FBXL17: variants seen among roughly 807,000 people sequenced by gnomAD.
FBXL17 encodes F-box and leucine rich repeat protein 17.
In FBXL17, 22 loss-of-function variants were observed where a neutral mutation model predicts 66.2. That is an observed-to-expected ratio of 0.33 (90% CI 0.24 to 0.47). The LOEUF is 0.47. FBXL17 is among the 20% of genes least tolerant of loss of function. FBXL17 has a pLI of 1.00. For synonymous variants in FBXL17, 474 were observed against 400.5 expected, an observed-to-expected ratio of 1.18 and a Z score of -2.19; for missense variants, 878 against 948.2, an observed-to-expected ratio of 0.93 and a Z score of 0.97.
At chr5:108,295,269 ATAC>A (rs1237123930) in intron 4 of FBXL17, among the ~76,000 whole-genome samples, 1 of 151,860 alleles carries the variant, frequency 6.6e-6, no homozygotes, top group Non-Finnish European at 1.5e-5. Context: ...CCAAATTCAT[ATAC>A]TTTTCCAAAT....
At chr5:107,990,192 A>G (rs1753185542) in intron 7 of FBXL17, among the ~76,000 whole-genome samples, 1 of 152,172 alleles carries the variant, frequency 6.6e-6, no homozygotes. Context: ...TTTTTCTTTC[A>G]GCTGGGGCAT....
In FBXL17 at chr5:108,136,154, C is replaced by T. The variant is rs546418181; in HGVS notation, c.1745+49963G>A. Among the ~76,000 whole-genome samples, 609 of 152,082 alleles carry T rather than the reference C, an allele frequency of 4.0e-3. 2 individuals are homozygous for T. The highest frequency in any genetic ancestry group is 6.5e-3 in the Non-Finnish European group (440 of 67,950). ...TGTTTATATGTAAAAGAAAAATATG[C>T]AGATAGGTCAAATCTTTTAGATTTG... is the stretch of plus-strand genomic sequence containing the variant. On this transcript the variant is annotated intron_variant, in intron 6 of 8. Coordinates refer to ENST00000542267, the MANE Select transcript of FBXL17 (RefSeq NM_001163315.3).
Position 108,009,937 on chromosome 5 carries a change from G to A in FBXL17, c.1822+10988C>T, listed in dbSNP as rs150200827. ...TGGGAAGGCTGGCACCTTCTACCTC[G>A]AGAATAGTGTCCATTTTGTACCGAG... On this transcript the variant is annotated intron_variant, in intron 7 of 8. Transcript: ENST00000542267. Among the ~76,000 whole-genome samples the A allele has an allele frequency of 2.8e-4, 42 of 152,214 alleles. 1 individual carries two copies. In the East Asian group the frequency reaches 7.4e-3, roughly 27 times the overall value.
At chr5:108,045,267 C>T (rs1318226734) in intron 6 of FBXL17, among the ~76,000 whole-genome samples, 3 of 151,992 alleles carry the variant, frequency 2.0e-5, no homozygotes, top group African/African-American at 7.3e-5. Flanking sequence ...TGGTGAAGCC[C>T]TGTCGCTACA....
At chr5:108,181,171 T>C (rs1752987387) in intron 6 of FBXL17, among the ~76,000 whole-genome samples, 1 of 152,120 alleles carries the variant, frequency 6.6e-6, no homozygotes, top group Non-Finnish European at 1.5e-5. Flanking sequence ...GTCAAACATA[T>C]AAAAATGTTG....
intron 4 of FBXL17, among the ~76,000 whole-genome samples, chr5:108,303,765 T>A (rs531906684): frequency 1.3e-5 from 2 of 152,060 alleles, no homozygotes; most frequent in African/African-American, 4.8e-5. Flanking sequence ...TCCACTCTCA[T>A]TCTCTTAGTA....
intron 7 of FBXL17, among the ~76,000 whole-genome samples, chr5:107,891,756 G>C (rs1284162595): frequency 6.6e-6 from 1 of 152,104 alleles, no homozygotes; most frequent in Non-Finnish European, 1.5e-5. Context: ...GGATTAGTAG[G>C]AATACACTGA....
intron 5 of FBXL17, among the ~76,000 whole-genome samples, chr5:108,190,397 C>A (rs158605): frequency 0.16 from 24,188 of 152,152 alleles, 2,065 homozygotes; most frequent in South Asian, 0.32. Context: ...GAGTCTGAGA[C>A]AGAGACAGAC....
At chr5:108,257,010 T>C (rs1338218739) in intron 4 of FBXL17, among the ~76,000 whole-genome samples, 1 of 152,196 alleles carries the variant, frequency 6.6e-6, no homozygotes. Flanking sequence ...ATTTAAATTG[T>C]TTTTAACTGT....
intron 3 of FBXL17, among the ~76,000 whole-genome samples, chr5:108,355,723 C>A (rs571541386): frequency 5.9e-4 from 89 of 151,972 alleles, no homozygotes; most frequent in African/African-American, 1.5e-3. Context: ...AGAAAAAAAA[C>A]CAACTATGAT....
At chr5:108,112,759 G>A (rs1398133238) in intron 6 of FBXL17, among the ~76,000 whole-genome samples, 1 of 150,672 alleles carries the variant, frequency 6.6e-6, no homozygotes, top group African/African-American at 2.4e-5. Context: ...GTTGTAAAAA[G>A]ATCCAAATCA....
At chr5:108,264,214 CAAAAAAAAA>C (rs35346820) in intron 4 of FBXL17, among the ~76,000 whole-genome samples, 18 of 55,506 alleles carry the variant, frequency 3.2e-4, no homozygotes, top group Non-Finnish European at 4.9e-4. Flanking sequence ...GACTCTTTCT[CAAAAAAAAA>C]AAAAAAAAAA....
intron 6 of FBXL17, among the ~76,000 whole-genome samples, chr5:108,153,249 A>G (rs2149997939): frequency 6.6e-6 from 1 of 152,338 alleles, no homozygotes; most frequent in Non-Finnish European, 1.5e-5. Context: ...TTTATCTGGC[A>G]ATCCTGATAC....
chr5:108,118,286 G>A (rs1379048968), intron 6 of FBXL17, among the ~76,000 whole-genome samples: 1 of 152,138 alleles, frequency 6.6e-6, no homozygotes, highest in Non-Finnish European at 1.5e-5. Flanking sequence ...ATCCCTGCCT[G>A]GTGGACCTAC....
At position 108,354,498 on chromosome 5, in the gene FBXL17, T is replaced by C. The variant is rs542785812; in HGVS notation, c.1375-5968A>G. On this transcript the variant is annotated intron_variant, in intron 3 of 8. Coordinates refer to ENST00000542267, the MANE Select transcript of FBXL17 (RefSeq NM_001163315.3). The stretch of plus-strand genomic sequence containing the variant: ...GAATATCTAAGAACCACAGAACAAC[T>C]ACAAAAGGTATAACATAAGTGAAAA... Among the ~76,000 whole-genome samples the C allele has an allele frequency of 3.0e-4, 46 of 150,904 alleles. 1 individual carries two copies. The South Asian group carries it at 9.3e-3, about 31-fold the overall frequency.
intron 6 of FBXL17, among the ~76,000 whole-genome samples, chr5:108,108,147 C>T (rs1486118748): frequency 1.3e-5 from 2 of 152,190 alleles, no homozygotes; most frequent in Non-Finnish European, 2.9e-5. Flanking sequence ...TCAGTGATAG[C>T]TCCTCCATGA....
chr5:107,944,228 A>C (rs1387353077), intron 7 of FBXL17, among the ~76,000 whole-genome samples: 6 of 152,142 alleles, frequency 3.9e-5, no homozygotes, highest in African/African-American at 1.4e-4. Context: ...TTCTATTTAC[A>C]CATCTGGTTG....
intron 4 of FBXL17, among the ~76,000 whole-genome samples, chr5:108,295,055 ATTACT>A (rs1168644964): frequency 2.6e-5 from 4 of 152,050 alleles, no homozygotes; most frequent in African/African-American, 7.2e-5. Flanking sequence ...TTAGAGTGAC[ATTACT>A]TTAACACAAT....
At chr5:108,329,778 T>TA (rs1760032609) in intron 4 of FBXL17, among the ~76,000 whole-genome samples, 1 of 152,140 alleles carries the variant, frequency 6.6e-6, no homozygotes, top group South Asian at 2.1e-4. Flanking sequence ...AAGTATTACA[T>TA]AAGTGACATC....
Sources: gnomAD v4.1 joint callset for allele counts (sites outside exome capture counted in the v4.1 genomes callset) on GRCh38, gnomAD v4.1.1 for gene constraint, MANE v1.5 for transcripts, NCBI Gene and HGNC (gene_info 2026-07-23, HGNC 2026-07-21) for gene names.